The following TSHZ3 variants were observed in gnomAD, a reference collection of about 807,000 sequenced individuals.
The protein encoded by TSHZ3 is teashirt zinc finger homeobox 3, also known as teashirt homolog 3.
In TSHZ3, 10 loss-of-function variants were observed where a neutral mutation model predicts 64.5. The ratio of observed to expected loss-of-function variants is 0.16; its 90% CI spans 0.10 to 0.26. The LOEUF is 0.26. TSHZ3 is among the 10% of genes least tolerant of loss of function. The pLI, the probability that TSHZ3 is intolerant of heterozygous loss-of-function variation, is 1.00. For missense variants in TSHZ3, 1,242 were observed against 1,421.7 expected, an observed-to-expected ratio of 0.87 and a Z score of 2.03; for synonymous variants, 608 against 593.1, an observed-to-expected ratio of 1.03 and a Z score of -0.36.
intron 1 of TSHZ3, among the ~76,000 whole-genome samples, chr19:31,269,404 T>C (rs1976102983): frequency 6.6e-6 from 1 of 151,972 alleles, no homozygotes; most frequent in African/African-American, 2.4e-5. Flanking sequence ...TTTTTTAAGC[T>C]AAGAAAATGA....
At chr19:31,164,044 C>T (rs1304786897) in intron 5 of TSHZ3, among the ~76,000 whole-genome samples, 3 of 152,124 alleles carry the variant, frequency 2.0e-5, no homozygotes, top group Admixed American at 2.0e-4. Flanking sequence ...AGCAGGTGGT[C>T]GAGCTGGGAG....
At chr19:31,217,125 T>C (rs7252457) in intron 4 of TSHZ3, among the ~76,000 whole-genome samples, 2,228 of 152,264 alleles carry the variant, frequency 0.015, 48 homozygotes, top group African/African-American at 0.051. Context: ...AATGGAGACA[T>C]GAAGGACTAT....
At chr19:31,177,978 C>T (rs908238768) in intron 5 of TSHZ3, among the ~76,000 whole-genome samples, 2 of 152,150 alleles carry the variant, frequency 1.3e-5, no homozygotes, top group East Asian at 1.9e-4. Flanking sequence ...TCAAACACCA[C>T]GGACTGGGCA....
In TSHZ3 at chr19:31,279,847, G is replaced by A. The variant is rs183313991; in HGVS notation, c.41-95C>T. 6 of 1,144,082 alleles carry A rather than the reference G, an allele frequency of 5.2e-6. No individual in the cohort carries two copies. The highest frequency in any genetic ancestry group is 5.1e-5 in the East Asian group (2 of 39,362). The allele number at this position is 1,144,082 out of a possible 1,614,324, so 70.9% of individuals were successfully genotyped here. On this transcript the variant is annotated intron_variant, in intron 1 of 1. Coordinates refer to ENST00000240587, the MANE Select transcript of TSHZ3 (RefSeq NM_020856.4). This position sits in a 1 kb window ranked among gnomAD's most constrained non-coding sequence, Gnocchi z 6.4. Reference sequence around the variant, plus strand: ...AAGAAAAAAAAAAGCATTAGTACTTGTTGATCTTACCTAGAATATGTTCTG... The same window carrying A: ...AAGAAAAAAAAAAGCATTAGTACTTATTGATCTTACCTAGAATATGTTCTG...
At chr19:31,208,827 C>T (rs1383737095) in intron 4 of TSHZ3, among the ~76,000 whole-genome samples, 1 of 152,186 alleles carries the variant, frequency 6.6e-6, no homozygotes, top group Non-Finnish European at 1.5e-5. Flanking sequence ...CTTACCAACG[C>T]TACCTTCATT....
intron 1 of TSHZ3, among the ~76,000 whole-genome samples, chr19:31,331,154 G>A (rs1342226232): frequency 6.6e-6 from 1 of 152,132 alleles, no homozygotes; most frequent in East Asian, 1.9e-4. Context: ...CCCCCGGGCT[G>A]AACCAAAGCA....
chr19:31,243,676 C>T (rs955147421), intron 1 of TSHZ3, among the ~76,000 whole-genome samples: 3 of 152,034 alleles, frequency 2.0e-5, no homozygotes, highest in Non-Finnish European at 4.4e-5. Context: ...TCGGGGGCTC[C>T]GTGCCTCCCC....
chr19:31,309,973 C>A (rs927885486), intron 1 of TSHZ3, among the ~76,000 whole-genome samples: 1 of 152,210 alleles, frequency 6.6e-6, no homozygotes, highest in African/African-American at 2.4e-5. Context: ...CTGGCTTGAG[C>A]AGGTGCTTAA....
intron 5 of TSHZ3, among the ~76,000 whole-genome samples, chr19:31,202,657 T>C (rs1025434841): frequency 6.6e-6 from 1 of 152,204 alleles, no homozygotes; most frequent in Admixed American, 6.5e-5. Context: ...CACATGAAAT[T>C]TTCCAAGGGT....
intron 4 of TSHZ3, among the ~76,000 whole-genome samples, chr19:31,214,724 C>T (rs1017436468): frequency 6.6e-6 from 1 of 151,732 alleles, no homozygotes; most frequent in Admixed American, 6.6e-5. Context: ...CTGGCTAACA[C>T]GGTGAAACCC....
At chr19:31,177,309 C>T (rs1974625066) in intron 5 of TSHZ3, among the ~76,000 whole-genome samples, 1 of 152,162 alleles carries the variant, frequency 6.6e-6, no homozygotes, top group African/African-American at 2.4e-5. Flanking sequence ...CTCTCCTGTG[C>T]CCCCAGAAGC....
intron 3 of TSHZ3, among the ~76,000 whole-genome samples, chr19:31,240,141 T>C (rs1204915595): frequency 6.6e-6 from 1 of 152,166 alleles, no homozygotes; most frequent in African/African-American, 2.4e-5. Flanking sequence ...GTGTGCTCCT[T>C]ACAATTGTTT....
chr19:31,172,243 C>A (rs1748633705), intron 5 of TSHZ3, among the ~76,000 whole-genome samples: 1 of 152,172 alleles, frequency 6.6e-6, no homozygotes, highest in African/African-American at 2.4e-5. Context: ...TGACAACCAG[C>A]AAGTTGTAGA....
intron 4 of TSHZ3, among the ~76,000 whole-genome samples, chr19:31,215,419 A>G (rs1028382283): frequency 6.6e-6 from 1 of 152,264 alleles, no homozygotes; most frequent in Non-Finnish European, 1.5e-5. Context: ...GTATAAGTGT[A>G]TACAAGAAAT....
At chr19:31,203,509 G>A (rs544488696) in intron 5 of TSHZ3, among the ~76,000 whole-genome samples, 5 of 152,190 alleles carry the variant, frequency 3.3e-5, no homozygotes, top group Non-Finnish European at 5.9e-5. Context: ...GGGTAGCAAG[G>A]AGAGCCATCT....
chr19:31,175,155 T>C (rs949526928), intron 5 of TSHZ3, among the ~76,000 whole-genome samples: 1 of 152,202 alleles, frequency 6.6e-6, no homozygotes, highest in Non-Finnish European at 1.5e-5. Flanking sequence ...CTGGCAAGGC[T>C]GCCCCAAGAG....
At chr19:31,300,057 C>A (rs973749528) in intron 1 of TSHZ3, among the ~76,000 whole-genome samples, 1 of 152,032 alleles carries the variant, frequency 6.6e-6, no homozygotes, top group Non-Finnish European at 1.5e-5. Context: ...TGTGTGAGCA[C>A]GCGAGAGAGT....
chr19:31,205,353 C>A (rs1170840101), intron 4 of TSHZ3, among the ~76,000 whole-genome samples: 2 of 152,162 alleles, frequency 1.3e-5, no homozygotes, highest in African/African-American at 4.8e-5. Context: ...TCCTTTCCTG[C>A]CCCTTTTTTA....
chr19:31,160,530 C>T (rs147983168), intron 5 of TSHZ3, among the ~76,000 whole-genome samples: 21 of 152,318 alleles, frequency 1.4e-4, no homozygotes, highest in East Asian at 1.4e-3. Context: ...TTAAGCTCCA[C>T]GTGTGACTAA....
Sources: allele counts gnomAD v4.1 joint callset (sites outside exome capture counted in the v4.1 genomes callset), GRCh38; gene constraint gnomAD v4.1.1; non-coding constraint Gnocchi (gnomAD v3.1); transcripts MANE v1.5; gene names NCBI Gene and HGNC (gene_info 2026-07-23, HGNC 2026-07-21).